Variants in OPRK1 observed in about 807,000 individuals in gnomAD.
OPRK1 encodes opioid receptor kappa 1.
A neutral mutation model predicts 24.5 loss-of-function variants in OPRK1; 15 were observed. The ratio of observed to expected loss-of-function variants is 0.61; its 90% CI spans 0.41 to 0.94. The LOEUF (loss-of-function observed/expected upper bound fraction) is 0.94. Among genes scored for constraint, OPRK1 ranks in the 40% least tolerant of loss-of-function variants. The pLI is 0.00. For missense variants in OPRK1, 479 were observed against 507.3 expected (o/e 0.94, Z 0.54); for synonymous variants, 205 against 198.0 (o/e 1.04, Z -0.30).
chr8:53,239,303 T>C (rs1283774546), intron 2 of OPRK1, among the ~76,000 whole-genome samples: 1 of 152,234 alleles, frequency 6.6e-6, no homozygotes, highest in Non-Finnish European at 1.5e-5. Context: ...GAGAGCAGAT[T>C]ATAATGTGAA....
intron 2 of OPRK1, chr8:53,243,061 T>A: frequency 1.0e-6 from 1 of 975,260 alleles, no homozygotes; most frequent in East Asian, 7.0e-5. Flanking sequence ...CTGCTGCTGA[T>A]CTTTCTGTTG....
chr8:53,251,081 C>T lies in OPRK1; in HGVS notation c.-44G>A, dbSNP rs1807383189. 3.5e-6 allele frequency: 5 copies of T among 1,445,426 alleles called. No individual in the cohort carries two copies. Among genetic ancestry groups the T allele is most frequent in the South Asian group, 1.5e-5 (1 of 68,014 alleles). 89.5% of individuals were successfully genotyped at this position (1,445,426 alleles called of 1,614,324 possible). A position where few individuals can be genotyped will look rare whatever the true frequency, so the allele number is the denominator to read the frequency against. On this transcript the variant is annotated 5_prime_UTR_variant, in exon 2 of 4. Transcript: ENST00000265572. ...GGAAGGCGAGGACAGGCGGCACCTG[C>T]GGCGCTGCGGGAGCGAAAGAACCGG...
Position 53,229,320 on chromosome 8 carries a change from C to T in OPRK1, c.1120G>A (p.Asp374Asn), listed in dbSNP as rs9282808. The change falls in exon 4 of 4, where the codon GAT becomes AAT. Residue 374 changes from aspartate (D) to asparagine (N), a missense_variant. Physicochemically the swap from Asp to Asn is conservative, Grantham distance 23. Transcript: ENST00000265572. ...AGTCATACTGGTTTATTCATCCCAT[C>T]GATGTCCCTCAGGTAAGCAGGATCC... ...VQDPAYLRDI[D>N]GMNKPV 5,726 of 1,613,846 alleles carry T rather than the reference C, an allele frequency of 3.5e-3. 171 individuals carry two copies. The African/African-American group carries it at 0.066, about 19-fold the overall frequency.
intron 2 of OPRK1, chr8:53,242,503 ATTC>A (rs1030208283): frequency 6.2e-6 from 1 of 161,400 alleles, no homozygotes; most frequent in Non-Finnish European, 1.4e-5. Context: ...AACTCCAGCC[ATTC>A]TTTTTTTATT....
Position 53,229,783 on chromosome 8 carries a change from G to A in OPRK1, c.657C>T (p.Tyr219=). The A allele has an allele frequency of 6.2e-7, 1 of 1,605,648 alleles. No individual in the cohort carries two copies. Among genetic ancestry groups the A allele is most frequent in the Non-Finnish European group, 8.5e-7 (1 of 1,176,274 alleles). The stretch of plus-strand genomic sequence containing the variant: ...TCTTCATGAAGAGGTCCCACCAGGA[G>A]TAGTCATCATCTGGGAACTGCAAGG... ...ECSLQFPDDD[Y]SWWDLFMKIC... The change falls in exon 4 of 4, where the codon TAC becomes TAT. Residue 219 remains tyrosine, a synonymous_variant. Coordinates refer to ENST00000265572, the MANE Select transcript of OPRK1 (RefSeq NM_000912.5).
chr8:53,232,740 A>G lies in OPRK1; in HGVS notation c.610+2019T>C, dbSNP rs7812480. On this transcript the variant is annotated intron_variant, in intron 3 of 3. Transcript: ENST00000265572. Reference sequence around the variant, plus strand: ...CCTGTTCCAGCATCTCATGGTTGTCATAATTATAGAGTTAGTTCTAATAGC... The same window carrying G: ...CCTGTTCCAGCATCTCATGGTTGTCGTAATTATAGAGTTAGTTCTAATAGC... 9.5e-3 allele frequency among the ~76,000 whole-genome samples: 1,451 copies of G among 152,330 alleles called. 25 individuals are homozygous for G. The highest frequency in any genetic ancestry group is 0.033 in the African/African-American group (1,361 of 41,578).
chr8:53,240,017 A>T (rs1398124164), intron 2 of OPRK1, among the ~76,000 whole-genome samples: 1 of 152,254 alleles, frequency 6.6e-6, no homozygotes, highest in African/African-American at 2.4e-5. Context: ...GTTGAAAAGC[A>T]TTCTGATGAG....
intron 2 of OPRK1, among the ~76,000 whole-genome samples, chr8:53,246,908 T>C (rs1339916400): frequency 1.3e-5 from 2 of 152,234 alleles, no homozygotes; most frequent in Non-Finnish European, 2.9e-5. Flanking sequence ...AATTGGCTCT[T>C]TCTGGAAAAC....
At chr8:53,237,753 T>C (rs1228091761) in intron 2 of OPRK1, among the ~76,000 whole-genome samples, 1 of 152,200 alleles carries the variant, frequency 6.6e-6, no homozygotes, top group Non-Finnish European at 1.5e-5. Context: ...TATTTTGACT[T>C]CCCCGTATCT....
At chr8:53,246,112 T>G (rs1402823181) in intron 2 of OPRK1, among the ~76,000 whole-genome samples, 1 of 152,296 alleles carries the variant, frequency 6.6e-6, no homozygotes, top group South Asian at 2.1e-4. Flanking sequence ...CTGGAGAATA[T>G]GAGCATTTAG....
intron 2 of OPRK1, among the ~76,000 whole-genome samples, chr8:53,241,264 C>T (rs570268355): frequency 9.2e-5 from 14 of 152,284 alleles, no homozygotes; most frequent in African/African-American, 1.9e-4. Context: ...GTGGAACTTA[C>T]TTAAAAACAT....
chr8:53,239,131 A>G (rs188771361), intron 2 of OPRK1, among the ~76,000 whole-genome samples: 15 of 152,230 alleles, frequency 9.9e-5, no homozygotes, highest in Admixed American at 3.3e-4. Context: ...CTTGTCCCCT[A>G]TGGTGACGCA....
chr8:53,232,010 C>T (rs60721705), intron 3 of OPRK1, among the ~76,000 whole-genome samples: 7,338 of 152,234 alleles, frequency 0.048, 230 homozygotes, highest in African/African-American at 0.078. Flanking sequence ...CGTCCCACTA[C>T]AGAGTTGGAA....
At chr8:53,239,305 T>C (rs1807063514) in intron 2 of OPRK1, among the ~76,000 whole-genome samples, 1 of 152,230 alleles carries the variant, frequency 6.6e-6, no homozygotes, top group African/African-American at 2.4e-5. Context: ...GAGCAGATTA[T>C]AATGTGAACT....
At position 53,229,239 on chromosome 8, in the gene OPRK1, C is replaced by A. The variant is rs1806789813; in HGVS notation, c.*58G>T. ...ACTGCAGTAGTGATCTGAGTTAAAC[C>A]TAGATCATTGAACTCCTCTCTTCCC... On this transcript the variant is annotated 3_prime_UTR_variant, in exon 4 of 4. Transcript: ENST00000265572. 1.4e-5 allele frequency: 21 copies of A among 1,532,320 alleles called. No homozygotes were observed. Among genetic ancestry groups the A allele is most frequent in the Non-Finnish European group, 1.8e-5 (20 of 1,129,138 alleles). 94.9% of individuals were successfully genotyped at this position (1,532,320 alleles called of 1,614,324 possible). A position where few individuals can be genotyped will look rare whatever the true frequency, so the allele number is the denominator to read the frequency against.
At chr8:53,250,580 G>A (rs967300337) in intron 2 of OPRK1, among the ~76,000 whole-genome samples, 1 of 152,024 alleles carries the variant, frequency 6.6e-6, no homozygotes, top group African/African-American at 2.4e-5. Flanking sequence ...TCGCCTGTGT[G>A]AACCTCTCAG....
chr8:53,250,805 G>C lies in OPRK1; in HGVS notation c.233C>G (p.Ser78Trp), dbSNP rs1333177327. 1.2e-6 allele frequency: 2 copies of C among 1,609,970 alleles called. No homozygotes were observed. The highest frequency in any genetic ancestry group is 1.7e-6 in the Non-Finnish European group (2 of 1,178,176). Residue 78 changes from serine to tryptophan, a missense_variant, in exon 2 of 4, where the codon TCG becomes TGG. Coordinates refer to ENST00000265572, the MANE Select transcript of OPRK1 (RefSeq NM_000912.5). ...VVFVVGLVGN[S>W]LVMFVIIRYT... is the part of the protein sequence containing the mutation. ...CCGGATGATCACGAACATGACCAGC[G>C]AGTTGCCCACCAAGCCCACGACGAA...
At chr8:53,249,240 TC>T (rs917298211) in intron 2 of OPRK1, among the ~76,000 whole-genome samples, 1 of 152,192 alleles carries the variant, frequency 6.6e-6, no homozygotes, top group African/African-American at 2.4e-5. Context: ...CTATTTTTTT[TC>T]CTAGAGCTTT....
Position 53,251,454 on chromosome 8 carries a change from T to G in OPRK1, c.-55A>C. ...TCGAAAGCCCAAAGCTTACCTATGG[T>G]TCCCAGAGACAGGCGAAGGCGAGGT... On this transcript the variant is annotated 5_prime_UTR_variant, in exon 1 of 4. Coordinates refer to ENST00000265572, the MANE Select transcript of OPRK1 (RefSeq NM_000912.5). 5.5e-6 allele frequency: 1 copy of G among 180,450 alleles called. No individual in the cohort carries two copies. The highest frequency in any genetic ancestry group is 2.3e-5 in the African/African-American group (1 of 42,566). 11.2% of individuals were successfully genotyped at this position (180,450 alleles called of 1,614,324 possible).
Sources: gnomAD v4.1 joint callset for allele counts (sites outside exome capture counted in the v4.1 genomes callset) on GRCh38, gnomAD v4.1.1 for gene constraint, MANE v1.5 for transcripts, NCBI Gene and HGNC (gene_info 2026-07-23, HGNC 2026-07-21) for gene names.